The following DPP10 variants were observed in gnomAD, a reference collection of about 807,000 sequenced individuals.
DPP10 encodes the protein dipeptidyl peptidase like 10, also known as inactive dipeptidyl peptidase 10.
DPP10 carries 33 observed loss-of-function variants against 120.9 expected under a neutral mutation model. The observed-to-expected ratio is 0.27, with a 90% CI of 0.21 to 0.37. The LOEUF is 0.37. Ranked by LOEUF, DPP10 falls within the 10% of genes least tolerant of loss-of-function variation. DPP10 has a pLI of 1.00. For synonymous variants in DPP10, 337 were observed against 326.1 expected, an observed-to-expected ratio of 1.03 and a Z score of -0.36; for missense variants, 816 against 942.8, an observed-to-expected ratio of 0.87 and a Z score of 1.76.
chr2:115,798,163 T>C (rs1397439139), intron 19 of DPP10, among the ~76,000 whole-genome samples: 2 of 151,958 alleles, frequency 1.3e-5, no homozygotes, highest in Non-Finnish European at 2.9e-5. Context: ...TACTGAATAC[T>C]TTTTATAAGA....
chr2:115,146,702 A>T (rs2051244349), intron 1 of DPP10, among the ~76,000 whole-genome samples: 1 of 152,084 alleles, frequency 6.6e-6, no homozygotes, highest in African/African-American at 2.4e-5. Flanking sequence ...TTGAAATCAT[A>T]ATCACCAAGT....
intron 1 of DPP10, among the ~76,000 whole-genome samples, chr2:115,244,216 G>GTATATATATA (rs377701662): frequency 9.2e-5 from 11 of 119,840 alleles, no homozygotes; most frequent in African/African-American, 2.6e-4. Flanking sequence ...ATATGTGTGT[G>GTATATATATA]TATATATATA....
intron 1 of DPP10, among the ~76,000 whole-genome samples, chr2:114,484,820 A>G (rs1246698170): frequency 6.6e-6 from 1 of 152,188 alleles, no homozygotes; most frequent in Non-Finnish European, 1.5e-5. Flanking sequence ...AAGGACTACA[A>G]AATAACATAG....
chr2:115,146,031 C>T (rs2051205124), intron 1 of DPP10, among the ~76,000 whole-genome samples: 1 of 151,984 alleles, frequency 6.6e-6, no homozygotes, highest in South Asian at 2.1e-4. Flanking sequence ...TTCTCATAAC[C>T]CTACGAGTCA....
intron 5 of DPP10, among the ~76,000 whole-genome samples, chr2:115,621,111 G>T (rs2084913795): frequency 6.6e-6 from 1 of 152,156 alleles, no homozygotes; most frequent in African/African-American, 2.4e-5. Context: ...AGGTTGTCAG[G>T]TCCAAACTCC....
chr2:115,141,609 C>T (rs1033914131), intron 1 of DPP10, among the ~76,000 whole-genome samples: 1 of 152,146 alleles, frequency 6.6e-6, no homozygotes, highest in Non-Finnish European at 1.5e-5. Context: ...TGTTCGACTG[C>T]ATTATGTCTA....
At chr2:115,836,286 T>G in intron 22 of DPP10, 30 bp downstream of exon 22, 2 of 1,564,192 alleles carry the variant, frequency 1.3e-6, no homozygotes, top group Non-Finnish European at 1.7e-6. Flanking sequence ...TGACCTAGTA[T>G]AATGTATTGA....
rs955457169 is a variant in DPP10 at position 115,755,956 on chromosome 2, A to G, written c.1074+2659A>G. On this transcript the variant is annotated intron_variant, in intron 11 of 25. Coordinates refer to ENST00000410059, the MANE Select transcript of DPP10 (RefSeq NM_020868.6). Reference sequence around the variant, plus strand: ...AGTGTGTGTGTGTGTATATATATACATAAAACATTCCATTGTACATATACA... The same window carrying G: ...AGTGTGTGTGTGTGTATATATATACGTAAAACATTCCATTGTACATATACA... Among the ~76,000 whole-genome samples, 12 of 152,088 alleles carry G rather than the reference A, an allele frequency of 7.9e-5. No homozygotes were observed. In the East Asian group the frequency reaches 2.3e-3, roughly 30 times the overall value.
chr2:115,764,073 A>C (rs2149795878), intron 12 of DPP10, among the ~76,000 whole-genome samples: 1 of 152,230 alleles, frequency 6.6e-6, no homozygotes, highest in South Asian at 2.1e-4. Flanking sequence ...CTCCCAATAA[A>C]AGTTATATTA....
chr2:115,262,268 C>T (rs529096602), intron 1 of DPP10, among the ~76,000 whole-genome samples: 8 of 151,766 alleles, frequency 5.3e-5, no homozygotes, highest in Non-Finnish European at 1.2e-4. Context: ...GGTGTAACAC[C>T]AAGTCTTTTG....
chr2:115,699,025 AAAAAAAAAAAC>A (rs1393873799), intron 7 of DPP10, among the ~76,000 whole-genome samples: 1,007 of 71,132 alleles, frequency 0.014, 17 homozygotes, highest in African/African-American at 0.039. Context: ...CTTGACTGAA[AAAAAAAAAAAC>A]AAAAAAAAAA....
intron 1 of DPP10, among the ~76,000 whole-genome samples, chr2:114,966,183 T>A (rs2104756329): frequency 6.6e-6 from 1 of 152,112 alleles, no homozygotes; most frequent in Admixed American, 6.5e-5. Flanking sequence ...ACCTCCTGGG[T>A]AGATGGTTGA....
intron 1 of DPP10, among the ~76,000 whole-genome samples, chr2:114,845,681 T>G (rs1452507497): frequency 6.6e-6 from 1 of 152,172 alleles, no homozygotes; most frequent in Admixed American, 6.6e-5. Flanking sequence ...GCTTTGCAGG[T>G]TGACTTCTGC....
chr2:115,064,906 T>G, intron 1 of DPP10: 3 of 1,203,490 alleles, frequency 2.5e-6, no homozygotes, highest in Non-Finnish European at 3.3e-6. Context: ...TCTTTTCCTA[T>G]TTTTCTTTTT....
At chr2:115,138,449 T>C (rs139442293) in intron 1 of DPP10, among the ~76,000 whole-genome samples, 424 of 152,332 alleles carry the variant, frequency 2.8e-3, no homozygotes, top group African/African-American at 9.9e-3. Context: ...TGCATTTGTG[T>C]TGAAACAGTT....
At chr2:115,240,709 G>A (rs2058231864) in intron 1 of DPP10, among the ~76,000 whole-genome samples, 1 of 152,114 alleles carries the variant, frequency 6.6e-6, no homozygotes, top group Admixed American at 6.5e-5. Context: ...CTTTATTGGG[G>A]TGATATGGAG....
chr2:115,806,141 T>C (rs1012005670), intron 19 of DPP10, among the ~76,000 whole-genome samples: 5 of 152,180 alleles, frequency 3.3e-5, no homozygotes, highest in African/African-American at 1.2e-4. Flanking sequence ...TAATTAGAGC[T>C]TAATAAATAA....
At chr2:114,842,644 T>G (rs59598081) in intron 1 of DPP10, among the ~76,000 whole-genome samples, 75 of 152,226 alleles carry the variant, frequency 4.9e-4, no homozygotes, top group African/African-American at 1.6e-3. Context: ...ATTTGTAGAT[T>G]TTCCACCATT....
At chr2:115,171,048 T>C (rs547350758) in intron 1 of DPP10, among the ~76,000 whole-genome samples, 6 of 152,140 alleles carry the variant, frequency 3.9e-5, no homozygotes, top group African/African-American at 7.2e-5. Context: ...TAAGAGTTGA[T>C]TGACTTTCTG....
Sources: allele counts gnomAD v4.1 joint callset (sites outside exome capture counted in the v4.1 genomes callset), GRCh38; gene constraint gnomAD v4.1.1; transcripts MANE v1.5; gene names NCBI Gene and HGNC (gene_info 2026-07-23, HGNC 2026-07-21).